Variants in HTR2C observed in about 807,000 individuals in gnomAD.
HTR2C encodes the protein 5-hydroxytryptamine receptor 2C.
HTR2C carries 5 observed loss-of-function variants against 21.0 expected under a neutral mutation model. That is an observed-to-expected ratio of 0.24 (90% CI 0.12 to 0.50). The LOEUF (loss-of-function observed/expected upper bound fraction) is 0.50, where lower values mean the gene tolerates loss of function less well. Ranked by LOEUF, HTR2C falls within the 20% of genes least tolerant of loss-of-function variation. The probability of loss-of-function intolerance (pLI) is 0.98; values close to 1 mark genes in which losing one functional copy is unlikely to be tolerated. For missense variants in HTR2C, 271 were observed against 371.2 expected, an observed-to-expected ratio of 0.73 and a Z score of 2.22; for synonymous variants, 150 against 145.3, an observed-to-expected ratio of 1.03 and a Z score of -0.23.
At chrX:114,706,215 C>T (rs1250841050) in intron 2 of HTR2C, among the ~76,000 whole-genome samples, 2 of 65,429 alleles carry the variant, frequency 3.1e-5, no homozygotes, top group Non-Finnish European at 5.6e-5. Flanking sequence ...TGGGTATATA[C>T]CCAAAGGACT....
At chrX:114,649,922 T>C (rs782643926) in intron 2 of HTR2C, among the ~76,000 whole-genome samples, 33 of 111,623 alleles carry the variant, frequency 3.0e-4, no homozygotes, top group African/African-American at 1.1e-3. Context: ...GCCTTTTCTC[T>C]GGTTTTGAAG....
At chrX:114,709,592 C>T (rs1052335664) in intron 2 of HTR2C, among the ~76,000 whole-genome samples, 7 of 111,997 alleles carry the variant, frequency 6.3e-5, no homozygotes, top group African/African-American at 2.3e-4. Flanking sequence ...GAGAGTAGTC[C>T]TGCCAGCATA....
At chrX:114,877,680 T>C (rs2071149379) in intron 5 of HTR2C, among the ~76,000 whole-genome samples, 1 of 111,038 alleles carries the variant, frequency 9.0e-6, no homozygotes, top group Admixed American at 9.6e-5. Context: ...TCTGAATATT[T>C]TTTTAAATTT....
At chrX:114,899,393 C>T (rs1299136274) in intron 5 of HTR2C, among the ~76,000 whole-genome samples, 1 of 111,079 alleles carries the variant, frequency 9.0e-6, no homozygotes, top group Non-Finnish European at 1.9e-5. Flanking sequence ...GAGTTGCAGA[C>T]ACCTTTGTTG....
At chrX:114,817,068 CATA>C (rs2070592082) in intron 4 of HTR2C, among the ~76,000 whole-genome samples, 2 of 110,614 alleles carry the variant, frequency 1.8e-5, no homozygotes, top group Non-Finnish European at 3.8e-5. Flanking sequence ...TTGCAGCAAA[CATA>C]AACATAAGCA....
intron 4 of HTR2C, among the ~76,000 whole-genome samples, chrX:114,836,017 C>T (rs782512292): frequency 9.2e-4 from 99 of 108,143 alleles, no homozygotes; most frequent in East Asian, 3.9e-3. Flanking sequence ...TTAGGCTGCT[C>T]GGGGGTCAGG....
intron 5 of HTR2C, among the ~76,000 whole-genome samples, chrX:114,866,606 T>TG (rs2147506082): frequency 9.2e-6 from 1 of 109,188 alleles, no homozygotes; most frequent in African/African-American, 3.3e-5. Flanking sequence ...TCTTTCTATT[T>TG]TTTTTTGTAC....
intron 2 of HTR2C, chrX:114,652,834 A>G (rs999666644): frequency 4.7e-6 from 1 of 214,466 alleles, no homozygotes; most frequent in African/African-American, 3.2e-5. Context: ...GATAAGAATT[A>G]AAGAATTGGA....
intron 5 of HTR2C, among the ~76,000 whole-genome samples, chrX:114,894,448 G>A (rs1175061520): frequency 3.6e-5 from 4 of 110,118 alleles, no homozygotes; most frequent in Non-Finnish European, 7.6e-5. Flanking sequence ...TCCTAAAACA[G>A]GTAAACCTAT....
intron 4 of HTR2C, among the ~76,000 whole-genome samples, chrX:114,806,335 T>TAC (rs1354553744): frequency 1.1e-5 from 1 of 92,980 alleles, no homozygotes; most frequent in African/African-American, 3.9e-5. Context: ...ACCATATATA[T>TAC]ACACCATATA....
At chrX:114,898,709 T>C (rs1324690696) in intron 5 of HTR2C, among the ~76,000 whole-genome samples, 1 of 111,996 alleles carries the variant, frequency 8.9e-6, no homozygotes, top group African/African-American at 3.3e-5. Flanking sequence ...GTTGTAGGTG[T>C]GCAGTCTTAT....
At chrX:114,636,947 C>T (rs960015514) in intron 2 of HTR2C, among the ~76,000 whole-genome samples, 1 of 111,930 alleles carries the variant, frequency 8.9e-6, no homozygotes, top group East Asian at 2.8e-4. Context: ...AACGTTGTTA[C>T]CAGGGGTTTC....
intron 4 of HTR2C, among the ~76,000 whole-genome samples, chrX:114,816,266 T>TGATAGATAGATAGATAGATAGATA (rs10526392): frequency 0.031 from 3,155 of 102,881 alleles, 160 homozygotes; most frequent in African/African-American, 0.11. Context: ...GATAGATAGA[T>TGATAGATAGATAGATAGATAGATA]GATAGATAGA....
intron 4 of HTR2C, chrX:114,823,457 G>A (rs782406522): frequency 5.8e-6 from 2 of 345,888 alleles, no homozygotes; most frequent in South Asian, 2.6e-5. Flanking sequence ...CGCATGGGCC[G>A]GGAGGTTGAA....
At chrX:114,716,916 C>T (rs1299676081) in intron 2 of HTR2C, among the ~76,000 whole-genome samples, 2 of 111,225 alleles carry the variant, frequency 1.8e-5, no homozygotes, top group Non-Finnish European at 3.8e-5. Context: ...TAAAAGCTCA[C>T]TGGGTATAAT....
chrX:114,741,604 T>C, intron 4 of HTR2C, among the ~76,000 whole-genome samples: 1 of 40,727 alleles, frequency 2.5e-5, no homozygotes, highest in South Asian at 2.4e-3. Context: ...CATAGAATAA[T>C]GGAAACATTA....
intron 4 of HTR2C, among the ~76,000 whole-genome samples, chrX:114,736,468 T>C (rs2069591938): frequency 8.9e-6 from 1 of 111,832 alleles, no homozygotes. Context: ...TGCTTATTAA[T>C]GATAAAAGAA....
intron 2 of HTR2C, among the ~76,000 whole-genome samples, chrX:114,665,749 G>A (rs1931152634): frequency 9.0e-6 from 1 of 111,234 alleles, no homozygotes. Flanking sequence ...GGAGGAGGAG[G>A]AAGAGAAGGA....
chrX:114,754,514 T>G (rs1354549246), intron 4 of HTR2C, among the ~76,000 whole-genome samples: 1 of 111,692 alleles, frequency 9.0e-6, no homozygotes, highest in African/African-American at 3.3e-5. Context: ...GTCCAATTGA[T>G]TTTTGACAAA....
Sources: gnomAD v4.1 joint callset for allele counts (sites outside exome capture counted in the v4.1 genomes callset) on GRCh38, gnomAD v4.1.1 for gene constraint, MANE v1.5 for transcripts, NCBI Gene and HGNC (gene_info 2026-07-23, HGNC 2026-07-21) for gene names.